AGAP1: variants seen among roughly 807,000 people sequenced by gnomAD.
The protein encoded by AGAP1 is arf-GAP with GTPase, ANK repeat and PH domain-containing protein 1.
AGAP1 carries 29 observed loss-of-function variants against 105.3 expected under a neutral mutation model. The observed-to-expected ratio is 0.28, with a 90% CI of 0.21 to 0.38. The LOEUF is 0.38. Among genes scored for constraint, AGAP1 ranks in the 10% least tolerant of loss-of-function variants. The pLI is 1.00. For missense variants in AGAP1, 998 were observed against 1,165.1 expected (o/e 0.86, Z 2.09); for synonymous variants, 509 against 485.9 (o/e 1.05, Z -0.63).
rs1946540257 is a variant in AGAP1, at chr2:235,623,225, T to C, written c.164-85954T>C. 6.6e-6 allele frequency among the ~76,000 whole-genome samples: 1 copy of C among 152,174 alleles called. No individual in the cohort carries two copies. Reference sequence around the variant, plus strand: ...AATGCATCTGAACGGATGGACTGTTTTGGAGATTTATGCGTGTTCTGCAGG... The same window carrying C: ...AATGCATCTGAACGGATGGACTGTTCTGGAGATTTATGCGTGTTCTGCAGG... On this transcript the variant is annotated intron_variant, in intron 1 of 17. Transcript: ENST00000304032. The surrounding 1 kb of genome is among the most constrained non-coding windows in gnomAD (Gnocchi z 4.5).
chr2:235,566,782 C>T lies in AGAP1; in HGVS notation c.163+71933C>T, dbSNP rs1047216096. On this transcript the variant is annotated intron_variant, in intron 1 of 17. Transcript: ENST00000304032. This position sits in a 1 kb window ranked among gnomAD's most constrained non-coding sequence, Gnocchi z 5.2. The stretch of plus-strand genomic sequence containing the variant: ...CTGAAGGGGGCCCCGTGTTAGTTTC[C>T]TGTGGCTGCCGTAACAGCCACAAAC... Among the ~76,000 whole-genome samples, 6 of 152,200 alleles carry T rather than the reference C, an allele frequency of 3.9e-5. No individual in the cohort carries two copies. Among genetic ancestry groups the T allele is most frequent in the Admixed American group, 3.9e-4 (6 of 15,288 alleles).
At position 235,744,595 on chromosome 2, in the gene AGAP1, G is replaced by T; in HGVS notation, c.397-103G>T. The T allele has an allele frequency of 7.0e-7, 1 of 1,425,220 alleles. No homozygotes were observed. Among genetic ancestry groups the T allele is most frequent in the Non-Finnish European group, 9.7e-7 (1 of 1,025,766 alleles). 88.3% of individuals were successfully genotyped at this position (1,425,220 alleles called of 1,614,324 possible). On this transcript the variant is annotated intron_variant, in intron 4 of 17. Transcript: ENST00000304032. This position sits in a 1 kb window ranked among gnomAD's most constrained non-coding sequence, Gnocchi z 5.2. ...TCAAGCACCCAGTGTGTGACCGAGGGGATTCCTGCAGCCCCCTGCTGCCTG... is the reference window on the plus strand; with the variant it reads ...TCAAGCACCCAGTGTGTGACCGAGGTGATTCCTGCAGCCCCCTGCTGCCTG...
rs528374713 is a variant in AGAP1 at position 235,586,735 on chromosome 2, A to T, written c.163+91886A>T. 2.0e-5 allele frequency among the ~76,000 whole-genome samples: 3 copies of T among 152,290 alleles called. No homozygotes were observed. Among genetic ancestry groups the T allele is most frequent in the East Asian group, 1.9e-4 (1 of 5,174 alleles). On this transcript the variant is annotated intron_variant, in intron 1 of 17. Coordinates refer to ENST00000304032, the MANE Select transcript of AGAP1 (RefSeq NM_001037131.3). This position sits in a 1 kb window ranked among gnomAD's most constrained non-coding sequence, Gnocchi z 4.2. Reference sequence around the variant, plus strand: ...TGTGAACAACACAGACCACTAAGAGATGTGACAAAGCTGTTCCATCAGAGG... The same window carrying T: ...TGTGAACAACACAGACCACTAAGAGTTGTGACAAAGCTGTTCCATCAGAGG...
chr2:236,131,703 G>A lies in AGAP1; in HGVS notation c.*7581G>A, dbSNP rs2060086607. The A allele has an allele frequency of 6.6e-6, 1 of 151,700 alleles. No homozygotes were observed. The highest frequency in any genetic ancestry group is 1.5e-5 in the Non-Finnish European group (1 of 67,924). 9.4% of individuals were successfully genotyped at this position (151,700 alleles called of 1,614,324 possible). A position where few individuals can be genotyped will look rare whatever the true frequency, so the allele number is the denominator to read the frequency against. ...TGTGTCCGCTGTACAGTATTCTAAG[G>A]GAAAAAGAAAAAGAAAGATGTGTAA... On this transcript the variant is annotated 3_prime_UTR_variant, in exon 18 of 18. Coordinates refer to ENST00000304032, the MANE Select transcript of AGAP1 (RefSeq NM_001037131.3). The surrounding 1 kb of genome is among the most constrained non-coding windows in gnomAD (Gnocchi z 5.9).
chr2:235,851,176 TG>T (rs1334244245), intron 9 of AGAP1, among the ~76,000 whole-genome samples: 1 of 152,236 alleles, frequency 6.6e-6, no homozygotes, highest in African/African-American at 2.4e-5. Flanking sequence ...GCTCACAGCC[TG>T]GCCTAGAGTG....
At chr2:235,802,941 G>T (rs1957596966) in intron 8 of AGAP1, among the ~76,000 whole-genome samples, 1 of 38,100 alleles carries the variant, frequency 2.6e-5, no homozygotes, top group Non-Finnish European at 5.9e-5. Flanking sequence ...TATGATGGTT[G>T]TAATGGTGGT....
In AGAP1 at chr2:235,930,190, T is replaced by G. The variant is rs180817657; in HGVS notation, c.1325-575T>G. Among the ~76,000 whole-genome samples the G allele has an allele frequency of 2.4e-4, 36 of 151,824 alleles. No individual in the cohort carries two copies. Among genetic ancestry groups the G allele is most frequent in the Admixed American group, 2.3e-3 (35 of 15,214 alleles). ...ATGAAGTCACGCAGGTTGTTTTTCC[T>G]CTGCTTAGTCTTTTCAAGGTTAAGA... On this transcript the variant is annotated intron_variant, in intron 11 of 17. Transcript: ENST00000304032. The surrounding 1 kb of genome is among the most constrained non-coding windows in gnomAD (Gnocchi z 7.9).
chr2:236,112,170 C>T (rs1339476302), intron 16 of AGAP1, among the ~76,000 whole-genome samples: 1 of 152,120 alleles, frequency 6.6e-6, no homozygotes, highest in East Asian at 1.9e-4. Context: ...AATCCCAGCA[C>T]TTTGGGAGGC....
chr2:235,508,197 G>A (rs780891032), intron 1 of AGAP1, among the ~76,000 whole-genome samples: 2 of 152,190 alleles, frequency 1.3e-5, no homozygotes, highest in African/African-American at 4.8e-5. Flanking sequence ...GGGCATTTTG[G>A]TTGATTCCAT....
intron 6 of AGAP1, among the ~76,000 whole-genome samples, chr2:235,773,285 A>G (rs1164222976): frequency 6.6e-6 from 1 of 152,288 alleles, no homozygotes; most frequent in East Asian, 1.9e-4. Flanking sequence ...GCAGAAAGCA[A>G]CCAATCCAAG....
intron 9 of AGAP1, among the ~76,000 whole-genome samples, chr2:235,822,401 C>G (rs1958839545): frequency 6.6e-6 from 1 of 152,054 alleles, no homozygotes; most frequent in African/African-American, 2.4e-5. Flanking sequence ...CGAGGAGGAG[C>G]TGGAGAAGCC....
At position 235,813,318 on chromosome 2, in the gene AGAP1, C is replaced by T. The variant is rs569672289; in HGVS notation, c.1050+5987C>T. Among the ~76,000 whole-genome samples the T allele has an allele frequency of 3.3e-5, 5 of 152,360 alleles. No individual in the cohort carries two copies. In the East Asian group the frequency reaches 9.7e-4, roughly 29 times the overall value. The stretch of plus-strand genomic sequence containing the variant: ...TGCAAAGCAATCGAAAAGAATACTT[C>T]CCTTGGCCGTGAGGGTTGCATGAGG... On this transcript the variant is annotated intron_variant, in intron 9 of 17. Transcript: ENST00000304032.
At chr2:235,795,082 A>G (rs1167720041) in intron 6 of AGAP1, among the ~76,000 whole-genome samples, 1 of 152,152 alleles carries the variant, frequency 6.6e-6, no homozygotes, top group Admixed American at 6.5e-5. Flanking sequence ...CTCCCGTGAC[A>G]TTCCATCCAT....
In AGAP1 at chr2:235,612,297, C is replaced by T. The variant is rs2149256124; in HGVS notation, c.164-96882C>T. On this transcript the variant is annotated intron_variant, in intron 1 of 17. Coordinates refer to ENST00000304032, the MANE Select transcript of AGAP1 (RefSeq NM_001037131.3). This position sits in a 1 kb window ranked among gnomAD's most constrained non-coding sequence, Gnocchi z 4.3. ...GTGCTTGTGAATTGATTGCACCCCTCCTGTGGCGTGGAGGCGGTGCCTGGT... is the reference window on the plus strand; with the variant it reads ...GTGCTTGTGAATTGATTGCACCCCTTCTGTGGCGTGGAGGCGGTGCCTGGT... Among the ~76,000 whole-genome samples the T allele has an allele frequency of 6.6e-6, 1 of 152,268 alleles. No homozygotes were observed. The highest frequency in any genetic ancestry group is 2.4e-5 in the African/African-American group (1 of 41,564).
intron 6 of AGAP1, among the ~76,000 whole-genome samples, chr2:235,774,954 G>A (rs1387885584): frequency 6.6e-6 from 1 of 152,102 alleles, no homozygotes; most frequent in Non-Finnish European, 1.5e-5. Flanking sequence ...GTCAGTTTGG[G>A]GAAAGCTGGA....
Position 235,893,212 on chromosome 2 carries a change from A to G in AGAP1, c.1155+9763A>G, listed in dbSNP as rs1209496101. Among the ~76,000 whole-genome samples, 1 of 148,848 alleles carries G rather than the reference A, an allele frequency of 6.7e-6. No homozygotes were observed. Among genetic ancestry groups the G allele is most frequent in the African/African-American group, 2.5e-5 (1 of 40,106 alleles). ...GGTGTGGCGTGGGTGTGCCATGTCCATCATAATGAAGCACCATGTCTGTAG... is the reference window on the plus strand; with the variant it reads ...GGTGTGGCGTGGGTGTGCCATGTCCGTCATAATGAAGCACCATGTCTGTAG... On this transcript the variant is annotated intron_variant, in intron 10 of 17. Coordinates refer to ENST00000304032, the MANE Select transcript of AGAP1 (RefSeq NM_001037131.3). This position sits in a 1 kb window ranked among gnomAD's most constrained non-coding sequence, Gnocchi z 4.7.
intron 1 of AGAP1, among the ~76,000 whole-genome samples, chr2:235,687,052 A>G (rs1224508751): frequency 6.6e-6 from 1 of 152,036 alleles, no homozygotes; most frequent in Non-Finnish European, 1.5e-5. Context: ...ACTTCATTAC[A>G]TTTCTGCTCA....
In AGAP1 at chr2:235,508,183, C is replaced by T. The variant is rs575998618; in HGVS notation, c.163+13334C>T. 4.4e-4 allele frequency among the ~76,000 whole-genome samples: 67 copies of T among 152,304 alleles called. 1 individual carries two copies. Among genetic ancestry groups the T allele is most frequent in the African/African-American group, 1.5e-3 (64 of 41,570 alleles). On this transcript the variant is annotated intron_variant, in intron 1 of 17. Transcript: ENST00000304032. ...ACCACATTTTCTTTATTCAGCCCAT[C>T]GATGGGCATTTTGGTTGATTCCATG...
intron 9 of AGAP1, among the ~76,000 whole-genome samples, chr2:235,834,720 T>G (rs894221903): frequency 1.3e-5 from 2 of 152,088 alleles, no homozygotes; most frequent in Non-Finnish European, 2.9e-5. Context: ...GCCATTTAAA[T>G]AAAAGGTCAG....
Sources: gnomAD v4.1 joint callset for allele counts (sites outside exome capture counted in the v4.1 genomes callset) on GRCh38, gnomAD v4.1.1 for gene constraint, Gnocchi (gnomAD v3.1) non-coding constraint, MANE v1.5 for transcripts, NCBI Gene and HGNC (gene_info 2026-07-23, HGNC 2026-07-21) for gene names.